The following SECISBP2 variants were observed in gnomAD, a reference collection of about 807,000 sequenced individuals.
SECISBP2 encodes selenocysteine insertion sequence-binding protein 2.
In SECISBP2, 96 loss-of-function variants were observed where a neutral mutation model predicts 98.2. That is an observed-to-expected ratio of 0.98 (90% CI 0.83 to 1.16). The LOEUF is 1.16. Ranked by LOEUF, SECISBP2 falls within the 50% of genes most tolerant of loss-of-function variation. SECISBP2 has a pLI of 0.00. For missense variants in SECISBP2, 1,046 were observed against 1,022.9 expected, an observed-to-expected ratio of 1.02 and a Z score of -0.31; for synonymous variants, 407 against 370.2, an observed-to-expected ratio of 1.10 and a Z score of -1.14.
chr9:89,326,072 C>A, intron 4 of SECISBP2, 34 bp downstream of exon 4: 2 of 1,604,280 alleles, frequency 1.2e-6, no homozygotes, highest in Non-Finnish European at 1.7e-6. Context: ...ATAATGCGAG[C>A]CTACTCCTTG....
At chr9:89,321,666 A>C (rs556785604) in intron 2 of SECISBP2, among the ~76,000 whole-genome samples, 8 of 135,308 alleles carry the variant, frequency 5.9e-5, no homozygotes, top group Non-Finnish European at 7.7e-5. Flanking sequence ...ACTCTCTCTC[A>C]AAAAAAAAAA....
At chr9:89,363,482 C>G (rs13295305), downstream of SECISBP2, 5 of 1,614,018 alleles carry the variant, frequency 3.1e-6, no homozygotes, top group Non-Finnish European at 4.2e-6. Context: ...AGCCACAGCC[C>G]TCCAGGCAGA....
At position 89,350,539 on chromosome 9, in the gene SECISBP2, C is replaced by T. The variant is rs1321400719; in HGVS notation, c.1893-93C>T. The T allele has an allele frequency of 3.7e-6, 4 of 1,076,452 alleles. No individual in the cohort carries two copies. In the East Asian group the frequency reaches 7.1e-5, roughly 19 times the overall value. 66.7% of individuals were successfully genotyped at this position (1,076,452 alleles called of 1,614,324 possible). ...TTGAAACGTGACTTTTTGTCTGATG[C>T]AGTCTACGTCTCTTCTCCCTGGGGT... On this transcript the variant is annotated intron_variant, in intron 13 of 16. Transcript: ENST00000375807.
chr9:89,358,623 G>C, intron 16 of SECISBP2, 98 bp from the exon 17 acceptor site: 2 of 813,072 alleles, frequency 2.5e-6, no homozygotes, highest in Non-Finnish European at 4.3e-6. Context: ...CTGCTGGGCA[G>C]TGGCCACAGG....
At chr9:89,362,251 C>T, downstream of SECISBP2, 1 of 1,335,314 alleles carries the variant, frequency 7.5e-7, no homozygotes, top group Non-Finnish European at 1.1e-6. Context: ...CTCTGCCCAT[C>T]AGGTGGTGGC....
chr9:89,334,656 A>G lies in SECISBP2; in HGVS notation c.1015A>G (p.Ile339Val), dbSNP rs1365381959. The G allele has an allele frequency of 3.7e-6, 6 of 1,614,026 alleles. No individual in the cohort carries two copies. The highest frequency in any genetic ancestry group is 2.2e-5 in the East Asian group (1 of 44,882). Residue 339 changes from isoleucine to valine, a missense_variant, in exon 7 of 17, where the codon ATA becomes GTA. Ile to Val is a conservative substitution (Grantham distance 29). Coordinates refer to ENST00000375807, the MANE Select transcript of SECISBP2 (RefSeq NM_024077.5). ...ASSADPKNVSIPSSEALSSDP... is the reference protein window; with the variant it reads ...ASSADPKNVSVPSSEALSSDP... ...ATCAGCAGATCCTAAAAATGTTAGT[A>G]TACCATCTTCTGAAGCTTTATCTTC...
At chr9:89,340,248 T>G (rs1234323759) in intron 9 of SECISBP2, among the ~76,000 whole-genome samples, 2 of 152,144 alleles carry the variant, frequency 1.3e-5, no homozygotes, top group Non-Finnish European at 2.9e-5. Context: ...TTATGAAACT[T>G]TAAGGGGAAA....
Position 89,346,882 on chromosome 9 carries a change from T to C in SECISBP2, c.1436T>C (p.Val479Ala). The change falls in exon 11 of 17, where the codon GTT becomes GCT. Residue 479 changes from valine (V) to alanine (A), a missense_variant and splice_region_variant. Transcript: ENST00000375807. The part of the protein sequence containing the change: ...KQSSKPVVVS[V>A]GAVPVLSKEC... ...AGGGCTTTGTCCCACTGCGTTTCAG[T>C]TGGAGCAGTGCCAGTCCTTTCCAAA... is the stretch of plus-strand genomic sequence containing the variant. 1 of 1,614,068 alleles carries C rather than the reference T, an allele frequency of 6.2e-7. No homozygotes were observed.
chr9:89,319,561 G>A (rs968732253), intron 1 of SECISBP2, 91 bp from the exon 2 acceptor site: 4 of 1,400,664 alleles, frequency 2.9e-6, no homozygotes, highest in African/African-American at 2.8e-5. Context: ...ACATTTCTGG[G>A]GCTATTAGGA....
At chr9:89,363,867 C>T (rs757086246), downstream of SECISBP2, 26 of 1,614,126 alleles carry the variant, frequency 1.6e-5, no homozygotes, top group South Asian at 1.3e-4. Context: ...GCCCTGCCAT[C>T]GGGCAGTGCA....
At chr9:89,320,525 C>T (rs180766756) in intron 2 of SECISBP2, among the ~76,000 whole-genome samples, 64 of 152,070 alleles carry the variant, frequency 4.2e-4, no homozygotes, top group Admixed American at 3.7e-3. Flanking sequence ...TCTTGTTGAG[C>T]GAAGGGGAGG....
downstream of SECISBP2, chr9:89,363,360 C>T: frequency 6.3e-7 from 1 of 1,591,668 alleles, no homozygotes; most frequent in Non-Finnish European, 8.5e-7. Flanking sequence ...CTTGAAAGAT[C>T]CACTGGATGT....
chr9:89,333,814 C>G (rs779985680), intron 6 of SECISBP2, among the ~76,000 whole-genome samples: 2 of 152,160 alleles, frequency 1.3e-5, no homozygotes, highest in South Asian at 2.1e-4. Context: ...CAAAATGATT[C>G]CAAATTTATT....
chr9:89,337,927 G>C (rs998644602), intron 7 of SECISBP2, among the ~76,000 whole-genome samples: 3 of 152,270 alleles, frequency 2.0e-5, no homozygotes, highest in Non-Finnish European at 2.9e-5. Flanking sequence ...AGGGGCTTCA[G>C]TGCAAAGGCC....
intron 5 of SECISBP2, among the ~76,000 whole-genome samples, chr9:89,330,731 G>A (rs1337797201): frequency 1.3e-5 from 2 of 152,214 alleles, no homozygotes; most frequent in Non-Finnish European, 2.9e-5. Context: ...TGCTCCAGGG[G>A]CTCCAGGCTG....
intron 10 of SECISBP2, among the ~76,000 whole-genome samples, chr9:89,346,267 A>G (rs1344657671): frequency 6.6e-6 from 1 of 152,266 alleles, no homozygotes; most frequent in Non-Finnish European, 1.5e-5. Flanking sequence ...AAAGGAGAAT[A>G]AAATTGAAAT....
In SECISBP2 at chr9:89,341,349, T is replaced by G; in HGVS notation, c.1305T>G (p.Asp435Glu). ...ACTTACGAATTTTGAACTTTCAGGA[T>G]AATTTTAAAAATAATGTAAAGAAGA... ...PKFQSKQQPQ[D>E]NFKNNVKKSQ... The change falls in exon 10 of 17, where the codon GAT becomes GAG. Residue 435 changes from aspartate (D) to glutamate (E), a missense_variant and splice_region_variant. Transcript: ENST00000375807. 6.2e-7 allele frequency: 1 copy of G among 1,613,596 alleles called. No homozygotes were observed. Among genetic ancestry groups the G allele is most frequent in the Non-Finnish European group, 8.5e-7 (1 of 1,179,586 alleles).
At chr9:89,357,703 A>G (rs975073650) in intron 15 of SECISBP2, 138 bp downstream of exon 15, 12 of 1,061,176 alleles carry the variant, frequency 1.1e-5, no homozygotes, top group Non-Finnish European at 1.6e-5. Context: ...CCACTTAGGC[A>G]GAACCTTCTT....
intron 3 of SECISBP2, 51 bp from the exon 4 acceptor site, chr9:89,325,845 CT>C: frequency 2.5e-6 from 4 of 1,610,858 alleles, no homozygotes; most frequent in Non-Finnish European, 3.4e-6. Context: ...TGCTTTAAAC[CT>C]TTTTTATAGT....
Sources: allele counts gnomAD v4.1 joint callset (sites outside exome capture counted in the v4.1 genomes callset), GRCh38; gene constraint gnomAD v4.1.1; transcripts MANE v1.5; gene names NCBI Gene and HGNC (gene_info 2026-07-23, HGNC 2026-07-21).